The following PSMB5 variants were observed in gnomAD, a reference collection of about 807,000 sequenced individuals.
The protein encoded by PSMB5 is proteasome subunit beta type-5.
PSMB5 carries 2 observed loss-of-function variants against 22.8 expected under a neutral mutation model. That is an observed-to-expected ratio of 0.09 (90% CI 0.04 to 0.28). PSMB5 has a LOEUF of 0.28. PSMB5 is among the 10% of genes least tolerant of loss of function. PSMB5 has a pLI of 1.00. For synonymous variants in PSMB5, 133 were observed against 135.3 expected, an observed-to-expected ratio of 0.98 and a Z score of 0.12; for missense variants, 269 against 343.8, an observed-to-expected ratio of 0.78 and a Z score of 1.72.
chr14:23,034,830 A>C lies in PSMB5; in HGVS notation c.52T>G (p.Phe18Val), dbSNP rs1160000672. The C allele has an allele frequency of 1.2e-6, 2 of 1,613,756 alleles. No individual in the cohort carries two copies. The highest frequency in any genetic ancestry group is 8.5e-7 in the Non-Finnish European group (1 of 1,179,980). Residue 18 changes from phenylalanine (F) to valine (V), a missense_variant, in exon 1 of 3, where the codon TTT becomes GTT. By Grantham distance (50) the Phe-to-Val change is conservative. Coordinates refer to ENST00000361611, the MANE Select transcript of PSMB5 (RefSeq NM_002797.5). Reference protein sequence around the residue: ...ERPLPVNQRGFFGLGGRADLL... With the variant: ...ERPLPVNQRGVFGLGGRADLL... Reference sequence around the variant, plus strand: ...TCTGCACGACCCCCAAGTCCGAAAAACCCGCGCTGGTTCACCGGTAGCGGT... The same window carrying C: ...TCTGCACGACCCCCAAGTCCGAAAACCCCGCGCTGGTTCACCGGTAGCGGT...
At chr14:23,034,947 G>C, upstream of PSMB5, 3 of 1,541,804 alleles carry the variant, frequency 1.9e-6, no homozygotes, top group Non-Finnish European at 2.6e-6. Context: ...GCAACGCCTC[G>C]CCGTCACAGC....
Position 23,034,812 on chromosome 14 carries a change from G to C in PSMB5, c.70C>G (p.Arg24Gly). 6.2e-7 allele frequency: 1 copy of C among 1,614,160 alleles called. No individual in the cohort carries two copies. The highest frequency in any genetic ancestry group is 8.5e-7 in the Non-Finnish European group (1 of 1,180,018). ...NQRGFFGLGG[R>G]ADLLDLGPGS... The stretch of plus-strand genomic sequence containing the variant: ...GGACCTAGATCCAGCAGATCTGCAC[G>C]ACCCCCAAGTCCGAAAAACCCGCGC... Residue 24 changes from arginine to glycine, a missense_variant, in exon 1 of 3, where the codon CGT becomes GGT. Physicochemically the swap from Arg to Gly is moderately radical, Grantham distance 125. Around this residue, in one of 3 missense-constraint regions of PSMB5, gnomAD observed 81 missense variants for 70.4 expected, o/e 1.15. Transcript: ENST00000361611.
At chr14:23,028,343 CAGG>C (rs1188792314) in intron 2 of PSMB5, among the ~76,000 whole-genome samples, 1 of 152,160 alleles carries the variant, frequency 6.6e-6, no homozygotes, top group Non-Finnish European at 1.5e-5. Flanking sequence ...ATACTTTACA[CAGG>C]AGGATAATAA....
At chr14:23,028,804 G>C (rs1463788950) in intron 2 of PSMB5, among the ~76,000 whole-genome samples, 1 of 152,160 alleles carries the variant, frequency 6.6e-6, no homozygotes, top group Non-Finnish European at 1.5e-5. Flanking sequence ...TGAAAATTTA[G>C]ACAAAGTGTT....
chr14:23,032,597 T>C (rs2046960899), intron 2 of PSMB5, among the ~76,000 whole-genome samples: 1 of 151,200 alleles, frequency 6.6e-6, no homozygotes, highest in African/African-American at 2.4e-5. Flanking sequence ...CAACGAATTC[T>C]TTTTTTTGTT....
intron 2 of PSMB5, chr14:23,027,595 C>G (rs887387186): frequency 1.6e-5 from 8 of 512,574 alleles, no homozygotes; most frequent in Non-Finnish European, 1.7e-5. Flanking sequence ...CTGCAGTAAG[C>G]TATAATCACA....
chr14:23,029,926 C>T (rs1236425287), intron 2 of PSMB5, among the ~76,000 whole-genome samples: 6 of 151,970 alleles, frequency 3.9e-5, no homozygotes, highest in African/African-American at 9.7e-5. Flanking sequence ...GGACTACAGG[C>T]GACCACCACC....
At chr14:23,033,218 A>G in intron 2 of PSMB5, 150 bp downstream of exon 2, 3 of 864,360 alleles carry the variant, frequency 3.5e-6, no homozygotes, top group Non-Finnish European at 5.2e-6. Context: ...CAGTCTAAAA[A>G]AACAGGAAAA....
chr14:23,033,234 AAG>A (rs1215658288), intron 2 of PSMB5, 132 bp downstream of exon 2: 9 of 962,660 alleles, frequency 9.3e-6, no homozygotes, highest in East Asian at 7.3e-5. Context: ...GAAAAAAAAA[AAG>A]AGAGAAGGAA....
At chr14:23,032,360 C>T (rs1475268854) in intron 2 of PSMB5, among the ~76,000 whole-genome samples, 1 of 152,150 alleles carries the variant, frequency 6.6e-6, no homozygotes, top group East Asian at 1.9e-4. Context: ...AGGAGAATCA[C>T]TTGAACCCAG....
In PSMB5 at chr14:23,033,515, G is replaced by A; in HGVS notation, c.358C>T (p.Arg120Trp). 6.2e-7 allele frequency: 1 copy of A among 1,614,074 alleles called. No homozygotes were observed. The highest frequency in any genetic ancestry group is 8.5e-7 in the Non-Finnish European group (1 of 1,180,026). The part of the protein sequence containing the change: ...DCSFWERLLA[R>W]QCRIYELRNK... ...CGAAGCTCATAGATTCGACATTGCC[G>A]AGCCAACAGCCGTTCCCAGAAGCTG... Residue 120 changes from arginine to tryptophan, a missense_variant, in exon 2 of 3, where the codon CGG becomes TGG. Arg to Trp is a moderately radical substitution (Grantham distance 101). Coordinates refer to ENST00000361611, the MANE Select transcript of PSMB5 (RefSeq NM_002797.5).
chr14:23,029,100 G>A (rs1393020384), intron 2 of PSMB5, among the ~76,000 whole-genome samples: 1 of 152,158 alleles, frequency 6.6e-6, no homozygotes, highest in East Asian at 1.9e-4. Flanking sequence ...TTTATAACTG[G>A]TGTGGGGTGG....
chr14:23,027,652 A>G (rs2046925556), intron 2 of PSMB5: 3 of 407,200 alleles, frequency 7.4e-6, no homozygotes, highest in Non-Finnish European at 1.1e-5. Flanking sequence ...TGTCTTCAGG[A>G]AAAAAAAAAA....
At chr14:23,032,946 GC>G (rs2046964249) in intron 2 of PSMB5, among the ~76,000 whole-genome samples, 1 of 150,044 alleles carries the variant, frequency 6.7e-6, no homozygotes, top group Non-Finnish European at 1.5e-5. Flanking sequence ...TCACTCTGTC[GC>G]CCAGGCTGGA....
In PSMB5 at chr14:23,026,291, A is replaced by G; in HGVS notation, c.590T>C (p.Val197Ala). The G allele has an allele frequency of 6.2e-7, 1 of 1,613,710 alleles. No individual in the cohort carries two copies. Among genetic ancestry groups the G allele is most frequent in the Non-Finnish European group, 8.5e-7 (1 of 1,179,956 alleles). ...VGSGSVYAYG[V>A]MDRGYSYDLE... ...GTCATAGGAATAGCCCCGATCCATG[A>G]CCCCATATGCATACACAGAGCCAGA... is the stretch of plus-strand genomic sequence containing the variant. The change falls in exon 3 of 3, where the codon GTC becomes GCC. Residue 197 changes from valine (V) to alanine (A), a missense_variant. Physicochemically the swap from Val to Ala is moderately conservative, Grantham distance 64. This residue lies in a region of PSMB5 where 113 missense variants were observed against 130.2 expected (regional missense o/e 0.87). Transcript: ENST00000361611.
At chr14:23,029,396 C>T (rs1000778986) in intron 2 of PSMB5, among the ~76,000 whole-genome samples, 12 of 152,120 alleles carry the variant, frequency 7.9e-5, no homozygotes, top group African/African-American at 1.9e-4. Flanking sequence ...ATGCTTCTTT[C>T]CTCCCTTTCT....
chr14:23,032,802 G>A (rs920041359), intron 2 of PSMB5, among the ~76,000 whole-genome samples: 1 of 150,670 alleles, frequency 6.6e-6, no homozygotes, highest in East Asian at 2.0e-4. Flanking sequence ...GTTTCACCTT[G>A]TTAGCCAGGA....
In PSMB5 at chr14:23,033,459, G is replaced by A. The variant is rs2046968411; in HGVS notation, c.414C>T (p.Ala138=). 3 of 1,614,000 alleles carry A rather than the reference G, an allele frequency of 1.9e-6. No homozygotes were observed. The highest frequency in any genetic ancestry group is 2.2e-5 in the South Asian group (2 of 91,086). ...ACACCATGTTGGCAAGCAGTTTGGA[G>A]GCAGCTGCTACAGAGATGCGTTCCT... The part of the protein sequence containing the change: ...RNKERISVAA[A]SKLLANMVYQ... Residue 138 remains alanine, a synonymous_variant, in exon 2 of 3, where the codon GCC becomes GCT. Transcript: ENST00000361611.
rs776954533 is a variant in PSMB5 at position 23,033,436 on chromosome 14, A to G, written c.437T>C (p.Val146Ala). The change falls in exon 2 of 3, where the codon GTG (valine) becomes GCG (alanine). Residue 146 changes from valine (V) to alanine (A), a missense_variant. By Grantham distance (64) the Val-to-Ala change is moderately conservative (BLOSUM62 0). Around this residue, in one of 3 missense-constraint regions of PSMB5, gnomAD observed 75 missense variants for 143.2 expected, o/e 0.52. Transcript: ENST00000361611. ...CAGCCCCATGCCTTTGTACTGATACACCATGTTGGCAAGCAGTTTGGAGGC... is the reference window on the plus strand; with the variant it reads ...CAGCCCCATGCCTTTGTACTGATACGCCATGTTGGCAAGCAGTTTGGAGGC... ...AAASKLLANM[V>A]YQYKGMGLSM... The G allele has an allele frequency of 6.0e-5, 97 of 1,613,924 alleles. No homozygotes were observed. The highest frequency in any genetic ancestry group is 7.3e-5 in the Non-Finnish European group (86 of 1,180,026).
Sources: allele counts gnomAD v4.1 joint callset (sites outside exome capture counted in the v4.1 genomes callset), GRCh38; gene constraint gnomAD v4.1.1; regional missense constraint gnomAD v4.1.1; transcripts MANE v1.5; gene names NCBI Gene and HGNC (gene_info 2026-07-23, HGNC 2026-07-21).